The following TTN variants were observed in gnomAD, a reference collection of about 807,000 sequenced individuals.
TTN encodes titin, also known as connectin.
In TTN, 1,525 loss-of-function variants were observed where a neutral mutation model predicts 3,223.0. The observed-to-expected ratio is 0.47, with a 90% CI of 0.45 to 0.49. TTN has a LOEUF of 0.49. Among genes scored for constraint, TTN ranks in the 20% least tolerant of loss-of-function variants. TTN has a pLI of 0.00. For missense variants in TTN, 40,786 were observed against 43,424.0 expected (o/e 0.94, Z 5.40); for synonymous variants, 14,094 against 15,161.0 (o/e 0.93, Z 5.17).
At position 178,539,594 on chromosome 2, in the gene TTN, CCAT is replaced by C; in HGVS notation, c.98468_98470del (p.Asp32823del). ...GATGTAGCCTAAGATGTCAGCACCA[CCAT>C]CATCAGCAGGAGGTCTCCAGCTGAC... is the stretch of plus-strand genomic sequence containing the variant. On this transcript the variant is annotated inframe_deletion, in exon 352 of 363. Transcript: ENST00000589042. 2 of 1,613,854 alleles carry C rather than the reference CCAT, an allele frequency of 1.2e-6. No individual in the cohort carries two copies. Among genetic ancestry groups the C allele is most frequent in the Non-Finnish European group, 1.7e-6 (2 of 1,179,814 alleles).
chr2:178,618,146 A>G lies in TTN; in HGVS notation c.47269+43T>C, dbSNP rs2057691004. The G allele has an allele frequency of 5.0e-6, 8 of 1,610,000 alleles. No homozygotes were observed. In the East Asian group the frequency reaches 1.8e-4, roughly 36 times the overall value. The stretch of plus-strand genomic sequence containing the variant: ...TAACGATGATGAAGGCAAAGACTGC[A>G]ATTTACTTAAAAGCTAACTTGAATT... On this transcript the variant is annotated intron_variant, in intron 252 of 362. Coordinates refer to ENST00000589042, the MANE Select transcript of TTN (RefSeq NM_001267550.2).
intron 138 of TTN, 67 bp downstream of exon 138, chr2:178,681,012 T>A: frequency 7.7e-7 from 1 of 1,304,260 alleles, no homozygotes; most frequent in Non-Finnish European, 1.1e-6. Context: ...ATGAAATGAA[T>A]CATAGTTACA....
chr2:178,679,298 G>T, intron 142 of TTN, 41 bp downstream of exon 142: 2 of 1,595,920 alleles, frequency 1.3e-6, no homozygotes, highest in South Asian at 1.1e-5. Context: ...CTGCATGGGT[G>T]AATTATCATG....
chr2:178,669,243 CAT>C, intron 159 of TTN, 128 bp downstream of exon 159: 1 of 681,550 alleles, frequency 1.5e-6, no homozygotes, highest in Non-Finnish European at 2.4e-6. Context: ...TTATTTGAGT[CAT>C]ATATTTGTGG....
chr2:178,735,842 C>T lies in TTN; in HGVS notation c.14604G>A (p.Lys4868=), dbSNP rs267599071. 6.2e-7 allele frequency: 1 copy of T among 1,613,786 alleles called. No homozygotes were observed. Among genetic ancestry groups the T allele is most frequent in the Non-Finnish European group, 8.5e-7 (1 of 1,179,802 alleles). ...TGTCTGCTCCAAACTTGTTGGAAGC[C>T]TTACAAGAATAAACTCCTCTATCTT... ...TIQDRGVYSC[K]ASNKFGADIC... is the part of the protein sequence containing the mutation. Residue 4868 remains lysine (K), a synonymous_variant, in exon 50 of 363, where the codon AAG becomes AAA. Coordinates refer to ENST00000589042, the MANE Select transcript of TTN (RefSeq NM_001267550.2).
Position 178,747,070 on chromosome 2 carries a change from T to C in TTN, c.11312-5149A>G, listed in dbSNP as rs1352657355. ...TAGAATATCTCTCTAGTGCCTCCCCTGGGGGTGTGGAATATCGCTCTAGAG... is the reference window on the plus strand; with the variant it reads ...TAGAATATCTCTCTAGTGCCTCCCCCGGGGGTGTGGAATATCGCTCTAGAG... On this transcript the variant is annotated intron_variant, in intron 47 of 362. Coordinates refer to ENST00000589042, the MANE Select transcript of TTN (RefSeq NM_001267550.2). 1.2e-6 allele frequency: 2 copies of C among 1,612,522 alleles called. No individual in the cohort carries two copies. Among genetic ancestry groups the C allele is most frequent in the African/African-American group, 2.7e-5 (2 of 74,752 alleles).
chr2:178,531,791 G>T lies in TTN; in HGVS notation c.104824C>A (p.Pro34942Thr). The change falls in exon 358 of 363, where the codon CCT (proline) becomes ACT (threonine). Residue 34942 changes from proline (P) to threonine (T), a missense_variant. Transcript: ENST00000589042. ...SQQPFTLDHAPRITLRMRSHR... is the reference protein window; with the variant it reads ...SQQPFTLDHATRITLRMRSHR... Reference sequence around the variant, plus strand: ...GAGCGCATTCTCAGTGTGATTCGAGGGGCATGGTCCAGTGTGAAAGGCTGC... The same window carrying T: ...GAGCGCATTCTCAGTGTGATTCGAGTGGCATGGTCCAGTGTGAAAGGCTGC... The T allele has an allele frequency of 6.2e-7, 1 of 1,613,988 alleles. No homozygotes were observed. The highest frequency in any genetic ancestry group is 1.1e-5 in the South Asian group (1 of 91,080).
intron 127 of TTN, among the ~76,000 whole-genome samples, chr2:178,686,648 CA>C (rs2071014690): frequency 6.6e-6 from 1 of 152,042 alleles, no homozygotes; most frequent in Admixed American, 6.5e-5. Flanking sequence ...CTCCTGTGCT[CA>C]AGCAATCCTC....
At position 178,618,371 on chromosome 2, in the gene TTN, C is replaced by G. The variant is rs2057728993; in HGVS notation, c.47087G>C (p.Arg15696Thr). 1 of 1,612,406 alleles carries G rather than the reference C, an allele frequency of 6.2e-7. No individual in the cohort carries two copies. Among genetic ancestry groups the G allele is most frequent in the African/African-American group, 1.3e-5 (1 of 74,822 alleles). Residue 15696 changes from arginine to threonine, a missense_variant, in exon 252 of 363, where the codon AGA (arginine) becomes ACA (threonine). Coordinates refer to ENST00000589042, the MANE Select transcript of TTN (RefSeq NM_001267550.2). ...GSKIIGYVVE[R>T]RDIKRKTWVL... ...CCAGGTCTTTCTCTTAATGTCACGTCTTTCAACAACGTAACCTATGATTTT... is the reference window on the plus strand; with the variant it reads ...CCAGGTCTTTCTCTTAATGTCACGTGTTTCAACAACGTAACCTATGATTTT...
In TTN at chr2:178,601,794, A is replaced by G; in HGVS notation, c.55303-7T>C. ...AGTTTTCAGCAGTCTCCAGCTGTAC[A>G]AAGAAAATAGTAGTCATACATTGAA... On this transcript the variant is annotated splice_polypyrimidine_tract_variant and splice_region_variant and intron_variant, in intron 285 of 362. Transcript: ENST00000589042. 1 of 1,601,886 alleles carries G rather than the reference A, an allele frequency of 6.2e-7. No individual in the cohort carries two copies.
intron 6 of TTN, chr2:178,799,000 C>A: frequency 5.9e-6 from 1 of 170,142 alleles, no homozygotes; most frequent in Non-Finnish European, 1.3e-5. Context: ...TTCAATTTAC[C>A]TGTGGACAGT....
In TTN at chr2:178,737,267, G is replaced by A. The variant is rs1312565586; in HGVS notation, c.14371+815C>T. ...CCCTACATATCAATTAGAAAATTGG[G>A]AATAGGATATTTGTGTAGTTGTCTT... On this transcript the variant is annotated intron_variant, in intron 49 of 362. Transcript: ENST00000589042. 2.0e-5 allele frequency: 3 copies of A among 151,968 alleles called. No individual in the cohort carries two copies. In the East Asian group the frequency reaches 5.8e-4, roughly 29 times the overall value. 9.4% of individuals were successfully genotyped at this position (151,968 alleles called of 1,614,324 possible).
In TTN at chr2:178,567,629, G is replaced by A. The variant is rs755972936; in HGVS notation, c.78503C>T (p.Ala26168Val). 6.2e-7 allele frequency: 1 copy of A among 1,612,146 alleles called. No homozygotes were observed. The highest frequency in any genetic ancestry group is 1.1e-5 in the South Asian group (1 of 90,946). The change falls in exon 326 of 363, where the codon GCA becomes GTA. Residue 26168 changes from alanine to valine, a missense_variant. Coordinates refer to ENST00000589042, the MANE Select transcript of TTN (RefSeq NM_001267550.2). ...RYEFRVIAKN[A>V]AGAISKPSDS... The stretch of plus-strand genomic sequence containing the variant: ...AGAGGGTTTACTTATTGCACCAGCT[G>A]CATTCTTTGCAATGACTCTGAATTC...
In TTN at chr2:178,608,378, A is replaced by G. The variant is rs368013299; in HGVS notation, c.52505T>C (p.Leu17502Ser). 8 of 1,611,540 alleles carry G rather than the reference A, an allele frequency of 5.0e-6. No homozygotes were observed. The African/African-American group carries it at 6.7e-5, about 13-fold the overall frequency. The change falls in exon 275 of 363, where the codon TTG becomes TCG. Residue 17502 changes from leucine to serine, a missense_variant. By Grantham distance (145) the Leu-to-Ser change is moderately radical (BLOSUM62 -2). Coordinates refer to ENST00000589042, the MANE Select transcript of TTN (RefSeq NM_001267550.2). Reference protein sequence around the residue: ...NEPKDNGSPILGYWLEKREVN... With the variant: ...NEPKDNGSPISGYWLEKREVN... ...TTCACGTTTTTCAAGCCAGTAACCC[A>G]AAATGGGGCTTCCATTATCTTTTGG... is the stretch of plus-strand genomic sequence containing the variant.
chr2:178,682,008 G>GT (rs1307852343), intron 135 of TTN, among the ~76,000 whole-genome samples: 3 of 151,738 alleles, frequency 2.0e-5, no homozygotes, highest in South Asian at 4.2e-4. Flanking sequence ...CTATAATATG[G>GT]TTTTTTTAAA....
In TTN at chr2:178,800,382, C is replaced by G; in HGVS notation, c.583+13G>C. On this transcript the variant is annotated intron_variant, in intron 4 of 362. Coordinates refer to ENST00000589042, the MANE Select transcript of TTN (RefSeq NM_001267550.2). ...TCTCCCCTTCTCTCTGTTCCTCAAC[C>G]TCCAGCACGTACCTTGAACCAGTAA... 6.2e-7 allele frequency: 1 copy of G among 1,614,104 alleles called. No homozygotes were observed. The highest frequency in any genetic ancestry group is 8.5e-7 in the Non-Finnish European group (1 of 1,179,978).
chr2:178,617,387 C>T lies in TTN; in HGVS notation c.47698G>A (p.Glu15900Lys), dbSNP rs772625773. The change falls in exon 254 of 363, where the codon GAA (glutamate) becomes AAA (lysine). Residue 15900 changes from glutamate to lysine, a missense_variant. Physicochemically the swap from Glu to Lys is moderately conservative, Grantham distance 56 (BLOSUM62 1). Coordinates refer to ENST00000589042, the MANE Select transcript of TTN (RefSeq NM_001267550.2). ...PILGYIIERCEEGKDNWIRCN... is the reference protein window; with the variant it reads ...PILGYIIERCKEGKDNWIRCN... ...CGAATCCAATTATCTTTTCCTTCTT[C>T]GCATCGCTCAATTATATAGCCTAAT... The T allele has an allele frequency of 1.8e-5, 28 of 1,588,830 alleles. No individual in the cohort carries two copies. The highest frequency in any genetic ancestry group is 2.3e-5 in the South Asian group (2 of 85,266).
chr2:178,734,135 T>C (rs903519669), intron 52 of TTN, among the ~76,000 whole-genome samples, 193 bp downstream of exon 52: 9 of 152,064 alleles, frequency 5.9e-5, no homozygotes, highest in Non-Finnish European at 1.2e-4. Flanking sequence ...TATCAGATAA[T>C]AGATATTTAC....
chr2:178,566,241 C>G lies in TTN; in HGVS notation c.79891G>C (p.Gly26631Arg). 1 of 1,613,682 alleles carries G rather than the reference C, an allele frequency of 6.2e-7. No individual in the cohort carries two copies. The highest frequency in any genetic ancestry group is 8.5e-7 in the Non-Finnish European group (1 of 1,179,698). Residue 26631 changes from glycine (G) to arginine (R), a missense_variant, in exon 326 of 363, where the codon GGT becomes CGT. By Grantham distance (125) the Gly-to-Arg change is moderately radical. Transcript: ENST00000589042. Reference protein sequence around the residue: ...TPEITWSREEGEFTDKVQIEK... With the variant: ...TPEITWSREEREFTDKVQIEK... ...ATTTGGACCTTATCTGTGAATTCAC[C>G]TTCCTCTCGAGACCAAGTGATCTCA...
Sources: allele counts gnomAD v4.1 joint callset (sites outside exome capture counted in the v4.1 genomes callset), GRCh38; gene constraint gnomAD v4.1.1; transcripts MANE v1.5; gene names NCBI Gene and HGNC (gene_info 2026-07-23, HGNC 2026-07-21).